The following MAOB variants were observed in gnomAD, a reference collection of about 807,000 sequenced individuals.
MAOB encodes the protein monoamine oxidase B, also known as amine oxidase [flavin-containing] B.
Under a neutral mutation model 41.9 loss-of-function variants are expected in MAOB, and 15 were observed. The observed-to-expected ratio is 0.36, with a 90% CI of 0.24 to 0.55. MAOB has a LOEUF of 0.55. MAOB is among the 20% of genes least tolerant of loss of function. The probability of loss-of-function intolerance (pLI) is 0.86; values close to 1 mark genes in which losing one functional copy is unlikely to be tolerated. For synonymous variants in MAOB, 167 were observed against 144.2 expected (o/e 1.16, Z -1.13); for missense variants, 345 against 398.7 (o/e 0.87, Z 1.15).
chrX:43,816,570 T>C (rs1385126998), intron 3 of MAOB, among the ~76,000 whole-genome samples: 1 of 111,713 alleles, frequency 9.0e-6, no homozygotes, highest in Non-Finnish European at 1.9e-5. Flanking sequence ...ACTACTTGAG[T>C]AGAAAGAGAC....
In MAOB at chrX:43,803,550, CA is replaced by C. The variant is rs1372014565; in HGVS notation, c.280-147del. On this transcript the variant is annotated intron_variant, in intron 3 of 14. Coordinates refer to ENST00000378069, the MANE Select transcript of MAOB (RefSeq NM_000898.5). ...TCAACTTTTTAGCTCCTTGTGTCCTCAGAACCCCACTTAACTTTTTAGCATA... is the reference window on the plus strand; with the variant it reads ...TCAACTTTTTAGCTCCTTGTGTCCTCGAACCCCACTTAACTTTTTAGCATA... 3 of 820,362 alleles carry C rather than the reference CA, an allele frequency of 3.7e-6. No homozygotes were observed. The African/African-American group carries it at 6.6e-5, about 18-fold the overall frequency. The allele number at this position is 820,362 out of a possible 1,213,427, so 67.6% of individuals were successfully genotyped here.
chrX:43,783,122 G>A (rs2034356372), intron 8 of MAOB, among the ~76,000 whole-genome samples: 1 of 112,216 alleles, frequency 8.9e-6, no homozygotes. Context: ...ATTCAACATA[G>A]TATTGGAAGT....
At chrX:43,848,680 A>C in intron 1 of MAOB, among the ~76,000 whole-genome samples, 1 of 111,799 alleles carries the variant, frequency 8.9e-6, no homozygotes, top group Non-Finnish European at 1.9e-5. Flanking sequence ...AGCCTCCCCA[A>C]GTAGCTGGGA....
chrX:43,842,914 G>C (rs2035155578), intron 2 of MAOB, among the ~76,000 whole-genome samples: 1 of 111,024 alleles, frequency 9.0e-6, no homozygotes, highest in African/African-American at 3.3e-5. Context: ...GAGAACTGAG[G>C]GAATGAGGAG....
intron 1 of MAOB, among the ~76,000 whole-genome samples, chrX:43,863,442 C>T (rs963482188): frequency 7.2e-5 from 8 of 111,606 alleles, no homozygotes; most frequent in Admixed American, 6.7e-4. Context: ...GTGTGGTACA[C>T]GTGTGCGCAC....
intron 5 of MAOB, among the ~76,000 whole-genome samples, chrX:43,800,512 G>T (rs192211419): frequency 9.0e-6 from 1 of 111,315 alleles, no homozygotes; most frequent in African/African-American, 3.3e-5. Flanking sequence ...AACACGCATT[G>T]ATTTCATGAC....
intron 1 of MAOB, among the ~76,000 whole-genome samples, chrX:43,850,042 C>T (rs1569229357): frequency 8.9e-6 from 1 of 111,942 alleles, no homozygotes. Context: ...GCATTCAATC[C>T]TTAACAATAA....
intron 13 of MAOB, 92 bp from the exon 14 acceptor site, chrX:43,768,808 A>G: frequency 3.9e-6 from 3 of 770,771 alleles, no homozygotes; most frequent in Non-Finnish European, 5.9e-6. Flanking sequence ...GTCTCTTGAG[A>G]TATCCATCAA....
chrX:43,821,295 G>T (rs908676297), intron 3 of MAOB, among the ~76,000 whole-genome samples: 2 of 110,850 alleles, frequency 1.8e-5, no homozygotes, highest in Non-Finnish European at 3.8e-5. Context: ...GCACCTCCTT[G>T]TCATGGAAGG....
At chrX:43,791,624 G>A (rs779444000) in intron 8 of MAOB, among the ~76,000 whole-genome samples, 4 of 110,977 alleles carry the variant, frequency 3.6e-5, no homozygotes, top group Non-Finnish European at 5.7e-5. Flanking sequence ...AGGCAAGGTG[G>A]CACGCACCTG....
intron 12 of MAOB, among the ~76,000 whole-genome samples, chrX:43,772,183 T>A (rs2034193665): frequency 9.0e-6 from 1 of 111,692 alleles, no homozygotes. Context: ...TCAAGGGAAG[T>A]CTTCTGGGCA....
intron 3 of MAOB, among the ~76,000 whole-genome samples, chrX:43,830,381 A>G (rs1171857633): frequency 9.0e-6 from 1 of 111,641 alleles, no homozygotes; most frequent in Non-Finnish European, 1.9e-5. Context: ...AGCTAAGCCC[A>G]GTAATAGCCA....
intron 7 of MAOB, 68 bp from the exon 8 acceptor site, chrX:43,793,646 T>C: frequency 1.1e-6 from 1 of 885,132 alleles, no homozygotes; most frequent in Non-Finnish European, 1.6e-6. Context: ...AATGATTCTC[T>C]CTCATTCTAT....
At chrX:43,877,237 G>T (rs770437120) in intron 1 of MAOB, among the ~76,000 whole-genome samples, 9 of 111,879 alleles carry the variant, frequency 8.0e-5, no homozygotes, top group African/African-American at 2.9e-4. Context: ...GCCCCTGAAT[G>T]TATGGCAGGG....
chrX:43,821,688 T>G (rs938051524), intron 3 of MAOB, among the ~76,000 whole-genome samples: 1 of 111,843 alleles, frequency 8.9e-6, no homozygotes, highest in Non-Finnish European at 1.9e-5. Context: ...CTCAGATTAT[T>G]AGATTATCCT....
At chrX:43,842,217 CAAAT>C (rs756027550) in intron 2 of MAOB, among the ~76,000 whole-genome samples, 1 of 112,164 alleles carries the variant, frequency 8.9e-6, no homozygotes, top group African/African-American at 3.2e-5. Context: ...TAGCAAGAGA[CAAAT>C]AACCAGATTT....
intron 10 of MAOB, among the ~76,000 whole-genome samples, chrX:43,779,434 A>T (rs932069367): frequency 1.1e-4 from 12 of 112,327 alleles, no homozygotes; most frequent in African/African-American, 3.2e-4. Context: ...TTTCTAAAAA[A>T]TTATCTTGGA....
chrX:43,861,114 A>G (rs1327019351), intron 1 of MAOB, among the ~76,000 whole-genome samples: 1 of 112,517 alleles, frequency 8.9e-6, no homozygotes, highest in Non-Finnish European at 1.9e-5. Flanking sequence ...TCCACCAACT[A>G]GACAATAAGC....
At chrX:43,845,234 G>C (rs1048403763) in intron 1 of MAOB, among the ~76,000 whole-genome samples, 10 of 111,437 alleles carry the variant, frequency 9.0e-5, no homozygotes, top group African/African-American at 3.3e-4. Flanking sequence ...AATGTGCTCA[G>C]TTCCAATTAC....
Sources: allele counts gnomAD v4.1 joint callset (sites outside exome capture counted in the v4.1 genomes callset), GRCh38; gene constraint gnomAD v4.1.1; transcripts MANE v1.5; gene names NCBI Gene and HGNC (gene_info 2026-07-23, HGNC 2026-07-21).